XPNPEP1: variants seen among roughly 807,000 people sequenced by gnomAD.
The protein encoded by XPNPEP1 is X-prolyl aminopeptidase 1, also known as xaa-Pro aminopeptidase 1.
Under a neutral mutation model 92.4 loss-of-function variants are expected in XPNPEP1, and 39 were observed. The ratio of observed to expected loss-of-function variants is 0.42; its 90% CI spans 0.33 to 0.55. XPNPEP1 has a LOEUF of 0.55. XPNPEP1 is among the 20% of genes least tolerant of loss of function. XPNPEP1 has a pLI of 0.08. For synonymous variants in XPNPEP1, 307 were observed against 299.4 expected (o/e 1.03, Z -0.26); for missense variants, 654 against 856.1 (o/e 0.76, Z 2.95).
chr10:109,888,915 T>C (rs530000778), intron 5 of XPNPEP1, among the ~76,000 whole-genome samples: 123 of 152,334 alleles, frequency 8.1e-4, no homozygotes, highest in Non-Finnish European at 1.4e-3. Context: ...ACCACAAAGA[T>C]TGTCTCCTCA....
chr10:109,885,609 T>C (rs1042653538), intron 8 of XPNPEP1, among the ~76,000 whole-genome samples: 3 of 152,206 alleles, frequency 2.0e-5, no homozygotes, highest in Admixed American at 6.5e-5. Flanking sequence ...TCTCATTCTC[T>C]AGTGAGAAGG....
At position 109,906,794 on chromosome 10, in the gene XPNPEP1, T is replaced by C. The variant is rs180748134; in HGVS notation, c.246+897A>G. Among the ~76,000 whole-genome samples the C allele has an allele frequency of 1.3e-3, 204 of 152,148 alleles. 1 individual carries two copies. Among genetic ancestry groups the C allele is most frequent in the African/African-American group, 4.7e-3 (196 of 41,514 alleles). ...CACTAATACTTTTACCTAGAACCTC[T>C]TTCCTCCTCCTCCACCCCATCCCTC... On this transcript the variant is annotated intron_variant, in intron 3 of 20. Coordinates refer to ENST00000502935, the MANE Select transcript of XPNPEP1 (RefSeq NM_020383.4).
chr10:109,901,035 A>G (rs1280374094), intron 3 of XPNPEP1, among the ~76,000 whole-genome samples: 2 of 152,122 alleles, frequency 1.3e-5, no homozygotes, highest in African/African-American at 4.8e-5. Context: ...AACCAACCCA[A>G]ATGTCCATCA....
At chr10:109,920,157 A>T (rs756183339) in intron 1 of XPNPEP1, among the ~76,000 whole-genome samples, 2 of 152,240 alleles carry the variant, frequency 1.3e-5, no homozygotes, top group African/African-American at 2.4e-5. Context: ...TTCACATAAA[A>T]TGTCCAGAAT....
intron 2 of XPNPEP1, among the ~76,000 whole-genome samples, chr10:109,908,054 A>T (rs903475365): frequency 2.0e-5 from 3 of 152,234 alleles, no homozygotes. Flanking sequence ...GCTACTAACC[A>T]TTTCCAACTT....
At chr10:109,886,613 G>A (rs138770760) in intron 7 of XPNPEP1, among the ~76,000 whole-genome samples, 89 of 152,278 alleles carry the variant, frequency 5.8e-4, no homozygotes, top group African/African-American at 1.7e-3. Flanking sequence ...GCATAGATAC[G>A]TGCCAGGCAC....
chr10:109,900,263 T>G (rs919992340), intron 3 of XPNPEP1, among the ~76,000 whole-genome samples: 1 of 152,050 alleles, frequency 6.6e-6, no homozygotes, highest in Non-Finnish European at 1.5e-5. Context: ...TCCCCAGCCG[T>G]AGGAGAAACT....
intron 16 of XPNPEP1, among the ~76,000 whole-genome samples, chr10:109,872,895 C>G (rs1847566524): frequency 6.6e-6 from 1 of 152,226 alleles, no homozygotes; most frequent in Non-Finnish European, 1.5e-5. Context: ...ACACATCTCT[C>G]TGCCTCACAG....
intron 3 of XPNPEP1, among the ~76,000 whole-genome samples, chr10:109,905,853 T>A (rs763163834): frequency 4.6e-5 from 7 of 152,236 alleles, no homozygotes; most frequent in Non-Finnish European, 1.0e-4. Flanking sequence ...AACACTGTTC[T>A]AAACATCAAA....
chr10:109,881,006 C>T, intron 10 of XPNPEP1, 75 bp from the exon 11 acceptor site: 1 of 1,382,498 alleles, frequency 7.2e-7, no homozygotes, highest in Non-Finnish European at 1.0e-6. Flanking sequence ...AACCTTTTTG[C>T]TCAGCAAAAC....
At chr10:109,873,955 G>C (rs1228233011) in intron 15 of XPNPEP1, among the ~76,000 whole-genome samples, 2 of 152,204 alleles carry the variant, frequency 1.3e-5, no homozygotes, top group East Asian at 3.8e-4. Context: ...ACAGAAAGGA[G>C]AGTAGTGGTT....
chr10:109,898,238 C>T (rs1849086976), intron 3 of XPNPEP1, among the ~76,000 whole-genome samples: 1 of 152,128 alleles, frequency 6.6e-6, no homozygotes, highest in African/African-American at 2.4e-5. Flanking sequence ...AACATAATGC[C>T]CACCTTGAAG....
intron 12 of XPNPEP1, among the ~76,000 whole-genome samples, chr10:109,878,836 C>A (rs1245628042): frequency 6.6e-6 from 1 of 150,382 alleles, no homozygotes; most frequent in Admixed American, 6.6e-5. Context: ...GTGATCACAC[C>A]ACTACTCTCC....
intron 3 of XPNPEP1, among the ~76,000 whole-genome samples, chr10:109,898,458 A>G (rs566468763): frequency 4.9e-4 from 74 of 152,332 alleles, no homozygotes; most frequent in African/African-American, 1.8e-3. Flanking sequence ...GCAGTGTGGT[A>G]TTTGCTATAG....
In XPNPEP1 at chr10:109,882,655, GA is replaced by G; in HGVS notation, c.831-14del. 1 of 1,613,726 alleles carries G rather than the reference GA, an allele frequency of 6.2e-7. No individual in the cohort carries two copies. The highest frequency in any genetic ancestry group is 8.5e-7 in the Non-Finnish European group (1 of 1,179,726). ...ATCAATGAAGAGCCTGCAGATGGAG[GA>G]GAGGTGGGTGGCAGAAAAAGGAGGG... On this transcript the variant is annotated splice_polypyrimidine_tract_variant and intron_variant, in intron 9 of 20. Coordinates refer to ENST00000502935, the MANE Select transcript of XPNPEP1 (RefSeq NM_020383.4).
At position 109,912,668 on chromosome 10, in the gene XPNPEP1, G is replaced by A. The variant is rs560779813; in HGVS notation, c.121+2343C>T. ...GAGTAAATGAGTTACTATACATATG[G>A]CACTTAGAAACAGTACCTGGCACAT... is the stretch of plus-strand genomic sequence containing the variant. On this transcript the variant is annotated intron_variant, in intron 2 of 20. Transcript: ENST00000502935. Among the ~76,000 whole-genome samples, 12 of 152,282 alleles carry A rather than the reference G, an allele frequency of 7.9e-5. No homozygotes were observed. In the South Asian group the frequency reaches 2.5e-3, roughly 32 times the overall value.
intron 15 of XPNPEP1, 152 bp downstream of exon 15, chr10:109,875,376 T>C: frequency 1.7e-6 from 1 of 584,900 alleles, no homozygotes; most frequent in Non-Finnish European, 3.0e-6. Flanking sequence ...CAAATAGGGG[T>C]GAAAAAAATG....
At chr10:109,909,435 A>T (rs1397460277) in intron 2 of XPNPEP1, among the ~76,000 whole-genome samples, 1 of 152,226 alleles carries the variant, frequency 6.6e-6, no homozygotes, top group Non-Finnish European at 1.5e-5. Flanking sequence ...AATTAAAATG[A>T]AATGTTAAAG....
At chr10:109,907,652 A>C in intron 3 of XPNPEP1, 39 bp downstream of exon 3, 1 of 1,612,832 alleles carries the variant, frequency 6.2e-7, no homozygotes, top group African/African-American at 1.3e-5. Context: ...TGGGGAAAAA[A>C]GACTGAAAAG....
Sources: allele counts gnomAD v4.1 joint callset (sites outside exome capture counted in the v4.1 genomes callset), GRCh38; gene constraint gnomAD v4.1.1; transcripts MANE v1.5; gene names NCBI Gene and HGNC (gene_info 2026-07-23, HGNC 2026-07-21).